MGMT: variants seen among roughly 807,000 people sequenced by gnomAD.
The protein encoded by MGMT is O-6-methylguanine-DNA methyltransferase, also known as methylated-DNA--protein-cysteine methyltransferase.
In MGMT, 14 loss-of-function variants were observed where a neutral mutation model predicts 15.9. That is an observed-to-expected ratio of 0.88 (90% CI 0.58 to 1.37). The LOEUF (loss-of-function observed/expected upper bound fraction) is 1.37, where lower values mean the gene tolerates loss of function less well. MGMT is among the 40% of genes most tolerant of loss of function. MGMT has a pLI of 0.00. For synonymous variants in MGMT, 130 were observed against 118.2 expected (o/e 1.10, Z -0.65); for missense variants, 282 against 268.1 (o/e 1.05, Z -0.36).
intron 2 of MGMT, among the ~76,000 whole-genome samples, chr10:129,632,367 C>T (rs1228404209): frequency 6.6e-6 from 1 of 152,168 alleles, no homozygotes; most frequent in Non-Finnish European, 1.5e-5. Flanking sequence ...AGCACAAGTG[C>T]TCCATGAGGC....
intron 2 of MGMT, among the ~76,000 whole-genome samples, chr10:129,698,452 T>C (rs950518949): frequency 3.3e-5 from 5 of 152,218 alleles, no homozygotes; most frequent in African/African-American, 1.2e-4. Context: ...TTTTCAACAA[T>C]TTGTTTAGAC....
chr10:129,560,973 G>GTGTGTGTA (rs895023255), intron 2 of MGMT, among the ~76,000 whole-genome samples: 3 of 118,366 alleles, frequency 2.5e-5, no homozygotes, highest in African/African-American at 8.3e-5. Context: ...GTGTGTGTGT[G>GTGTGTGTA]TGTGTGTGTG....
intron 2 of MGMT, among the ~76,000 whole-genome samples, chr10:129,632,072 T>C (rs1847216063): frequency 6.6e-6 from 1 of 152,196 alleles, no homozygotes; most frequent in Admixed American, 6.5e-5. Flanking sequence ...CGTACAAATG[T>C]TACTAAAGTT....
At chr10:129,550,513 C>T (rs1424051066) in intron 2 of MGMT, among the ~76,000 whole-genome samples, 1 of 150,044 alleles carries the variant, frequency 6.7e-6, no homozygotes, top group African/African-American at 2.5e-5. Flanking sequence ...GTGGTGCGAT[C>T]TCGGCTCACT....
intron 4 of MGMT, among the ~76,000 whole-genome samples, chr10:129,764,092 C>T (rs1221343082): frequency 1.3e-5 from 2 of 152,250 alleles, no homozygotes; most frequent in Non-Finnish European, 2.9e-5. Flanking sequence ...CCCACCTCAA[C>T]AGTCCACGTC....
At chr10:129,476,054 C>T (rs1845290534) in intron 1 of MGMT, among the ~76,000 whole-genome samples, 1 of 152,208 alleles carries the variant, frequency 6.6e-6, no homozygotes, top group Admixed American at 6.5e-5. Context: ...GCTCTCATTC[C>T]AGGGTCCTCC....
chr10:129,629,190 T>C (rs773313726), intron 2 of MGMT, among the ~76,000 whole-genome samples: 6 of 152,232 alleles, frequency 3.9e-5, no homozygotes, highest in Non-Finnish European at 8.8e-5. Flanking sequence ...CTTTTCAAGA[T>C]ACTGTAAATA....
chr10:129,580,771 C>T (rs1383336921), intron 2 of MGMT, among the ~76,000 whole-genome samples: 1 of 152,258 alleles, frequency 6.6e-6, no homozygotes, highest in African/African-American at 2.4e-5. Context: ...TAACCACAGA[C>T]ACCCCACAAC....
intron 3 of MGMT, among the ~76,000 whole-genome samples, chr10:129,750,186 C>T (rs1403328777): frequency 1.3e-5 from 2 of 152,028 alleles, no homozygotes; most frequent in African/African-American, 4.8e-5. Flanking sequence ...CTTCTCCCAA[C>T]CTAAGGTTGC....
At chr10:129,502,152 C>T (rs1589838117) in intron 1 of MGMT, among the ~76,000 whole-genome samples, 2 of 152,186 alleles carry the variant, frequency 1.3e-5, no homozygotes, top group African/African-American at 4.8e-5. Flanking sequence ...TGGAGTGTGT[C>T]TATGTCCTGG....
chr10:129,712,934 C>G (rs1416581120), intron 3 of MGMT, among the ~76,000 whole-genome samples: 1 of 152,166 alleles, frequency 6.6e-6, no homozygotes, highest in African/African-American at 2.4e-5. Flanking sequence ...CCCGAGGGTC[C>G]TAGGGCCCGT....
rs117784659 is a variant in MGMT at position 129,565,438 on chromosome 10, T to C, written c.125+29061T>C. ...GACCCCTCAGCCTCTTTGACGAGTGTTGTAATATATCTTGTTGAATGATGA... is the reference window on the plus strand; with the variant it reads ...GACCCCTCAGCCTCTTTGACGAGTGCTGTAATATATCTTGTTGAATGATGA... On this transcript the variant is annotated intron_variant, in intron 2 of 4. Coordinates refer to ENST00000651593, the MANE Select transcript of MGMT (RefSeq NM_002412.5). 3.3e-3 allele frequency among the ~76,000 whole-genome samples: 498 copies of C among 152,356 alleles called. 2 individuals are homozygous for C. Among genetic ancestry groups the C allele is most frequent in the Non-Finnish European group, 4.8e-3 (329 of 68,030 alleles).
chr10:129,547,222 T>C (rs1352568068), intron 2 of MGMT, among the ~76,000 whole-genome samples: 1 of 152,184 alleles, frequency 6.6e-6, no homozygotes, highest in South Asian at 2.1e-4. Context: ...TCCTGTGTCT[T>C]GATTTCACTG....
At chr10:129,726,059 A>C (rs1362617956) in intron 3 of MGMT, among the ~76,000 whole-genome samples, 1 of 152,096 alleles carries the variant, frequency 6.6e-6, no homozygotes, top group Non-Finnish European at 1.5e-5. Flanking sequence ...GCTCAGGTCC[A>C]CAAGGTCAGC....
At chr10:129,506,450 A>G (rs1312413176) in intron 1 of MGMT, among the ~76,000 whole-genome samples, 1 of 151,992 alleles carries the variant, frequency 6.6e-6, no homozygotes, top group Non-Finnish European at 1.5e-5. Flanking sequence ...TGGTTTTCCA[A>G]GCATCCCACA....
chr10:129,546,653 G>A (rs1226595679), intron 2 of MGMT, among the ~76,000 whole-genome samples: 1 of 152,200 alleles, frequency 6.6e-6, no homozygotes, highest in East Asian at 1.9e-4. Flanking sequence ...AGGCTGGAAG[G>A]AGAGAGGCGG....
At chr10:129,647,927 GTT>G (rs1471201358) in intron 2 of MGMT, among the ~76,000 whole-genome samples, 3 of 152,192 alleles carry the variant, frequency 2.0e-5, no homozygotes, top group Non-Finnish European at 2.9e-5. Flanking sequence ...GTGCTGTGCT[GTT>G]TACATACTAA....
At chr10:129,472,874 C>G (rs1388039720) in intron 1 of MGMT, among the ~76,000 whole-genome samples, 1 of 152,098 alleles carries the variant, frequency 6.6e-6, no homozygotes, top group East Asian at 1.9e-4. Flanking sequence ...GTTCCCTATT[C>G]ATTTACTAGG....
rs1180561809 is a variant in MGMT at position 129,770,377 on chromosome 10, A to G, written c.*3380A>G. On this transcript the variant is annotated 3_prime_UTR_variant, in exon 5 of 5. Coordinates refer to ENST00000651593, the MANE Select transcript of MGMT (RefSeq NM_002412.5). ...AGTAGCTGGTCAGTGAGATTCTCGCAGCAATGTGAGGCATCCTCCTCACAG... is the reference window on the plus strand; with the variant it reads ...AGTAGCTGGTCAGTGAGATTCTCGCGGCAATGTGAGGCATCCTCCTCACAG... Among the ~76,000 whole-genome samples, 1 of 152,218 alleles carries G rather than the reference A, an allele frequency of 6.6e-6. No individual in the cohort carries two copies. The highest frequency in any genetic ancestry group is 1.5e-5 in the Non-Finnish European group (1 of 68,046).
Sources: gnomAD v4.1 joint callset for allele counts (sites outside exome capture counted in the v4.1 genomes callset) on GRCh38, gnomAD v4.1.1 for gene constraint, MANE v1.5 for transcripts, NCBI Gene and HGNC (gene_info 2026-07-23, HGNC 2026-07-21) for gene names.